TMEM132B: variants seen among roughly 807,000 people sequenced by gnomAD.
TMEM132B encodes the protein transmembrane protein 132B.
Under a neutral mutation model 90.8 loss-of-function variants are expected in TMEM132B, and 18 were observed. The ratio of observed to expected loss-of-function variants is 0.20; its 90% CI spans 0.14 to 0.29. The LOEUF is 0.29. Ranked by LOEUF, TMEM132B falls within the 10% of genes least tolerant of loss-of-function variation. The probability of loss-of-function intolerance (pLI) is 1.00; values close to 1 mark genes in which losing one functional copy is unlikely to be tolerated. For synonymous variants in TMEM132B, 504 were observed against 523.3 expected, an observed-to-expected ratio of 0.96 and a Z score of 0.50; for missense variants, 1,096 against 1,326.8, an observed-to-expected ratio of 0.83 and a Z score of 2.70.
intron 6 of TMEM132B, among the ~76,000 whole-genome samples, chr12:125,644,511 T>C (rs1886711892): frequency 1.3e-5 from 2 of 152,202 alleles, no homozygotes; most frequent in Admixed American, 6.5e-5. Flanking sequence ...CCTCATAGAA[T>C]AGTTGCTAGG....
At chr12:125,240,616 G>T (rs187608127) in intron 1 of TMEM132B, among the ~76,000 whole-genome samples, 1 of 152,206 alleles carries the variant, frequency 6.6e-6, no homozygotes, top group Non-Finnish European at 1.5e-5. Context: ...TTTTTAAAAA[G>T]GACATGCACC....
intron 3 of TMEM132B, among the ~76,000 whole-genome samples, chr12:125,432,780 G>A (rs1880580724): frequency 6.6e-6 from 1 of 152,048 alleles, no homozygotes; most frequent in African/African-American, 2.4e-5. Flanking sequence ...GGCCGGCCTT[G>A]GTGGAATCGG....
At chr12:125,314,405 C>G (rs955491651) in intron 1 of TMEM132B, among the ~76,000 whole-genome samples, 1 of 152,204 alleles carries the variant, frequency 6.6e-6, no homozygotes, top group African/African-American at 2.4e-5. Flanking sequence ...TGCTCAGAAG[C>G]CTGGTTTGCA....
chr12:125,221,981 A>C (rs942052495), intron 1 of TMEM132B, among the ~76,000 whole-genome samples: 1 of 152,230 alleles, frequency 6.6e-6, no homozygotes, highest in Non-Finnish European at 1.5e-5. Flanking sequence ...CCAGGACTGC[A>C]GTTCAGAAAT....
At chr12:125,248,250 G>GGA (rs1194832452) in intron 1 of TMEM132B, among the ~76,000 whole-genome samples, 2 of 152,180 alleles carry the variant, frequency 1.3e-5, no homozygotes, top group African/African-American at 4.8e-5. Context: ...GGAGCTAGCA[G>GGA]GAGATATAGT....
chr12:125,250,526 C>T (rs947520553), intron 1 of TMEM132B, among the ~76,000 whole-genome samples: 1 of 152,202 alleles, frequency 6.6e-6, no homozygotes, highest in Non-Finnish European at 1.5e-5. Context: ...CAGGATCCTG[C>T]GCAGTCTCCA....
intron 5 of TMEM132B, among the ~76,000 whole-genome samples, chr12:125,611,973 G>T (rs1885839464): frequency 1.3e-5 from 2 of 151,972 alleles, no homozygotes; most frequent in African/African-American, 4.8e-5. Context: ...CTTCTTTCTA[G>T]TTGTCCTACT....
At chr12:125,448,093 A>G (rs1023327758) in intron 3 of TMEM132B, among the ~76,000 whole-genome samples, 1 of 152,104 alleles carries the variant, frequency 6.6e-6, no homozygotes, top group Non-Finnish European at 1.5e-5. Flanking sequence ...GTGAAACCCC[A>G]TCTCTACTAA....
intron 4 of TMEM132B, among the ~76,000 whole-genome samples, chr12:125,569,792 A>T (rs2136824859): frequency 6.6e-6 from 1 of 152,294 alleles, no homozygotes; most frequent in Middle Eastern, 3.4e-3. Context: ...CTCTCCTGGC[A>T]GAAAATGGCC....
chr12:125,515,369 C>T (rs982366830), intron 3 of TMEM132B, among the ~76,000 whole-genome samples: 1 of 144,980 alleles, frequency 6.9e-6, no homozygotes, highest in Non-Finnish European at 1.5e-5. Context: ...TTGACACATT[C>T]ACTCACACCT....
chr12:125,265,980 G>A (rs931582384), intron 1 of TMEM132B, among the ~76,000 whole-genome samples: 1 of 152,080 alleles, frequency 6.6e-6, no homozygotes, highest in Non-Finnish European at 1.5e-5. Flanking sequence ...TGTAATCCCA[G>A]CACTTTGGGT....
intron 1 of TMEM132B, among the ~76,000 whole-genome samples, chr12:125,328,532 T>C (rs1231329300): frequency 6.6e-6 from 1 of 152,200 alleles, no homozygotes; most frequent in Non-Finnish European, 1.5e-5. Context: ...GGATCCTTCC[T>C]GCCTCTTCAG....
intron 4 of TMEM132B, among the ~76,000 whole-genome samples, chr12:125,525,902 G>T (rs61055722): frequency 0.068 from 10,279 of 152,278 alleles, 497 homozygotes; most frequent in East Asian, 0.27. Flanking sequence ...CCCTTCCCTT[G>T]TGATTATTGC....
At chr12:125,333,992 C>T (rs12315814) in intron 1 of TMEM132B, among the ~76,000 whole-genome samples, 2,934 of 152,050 alleles carry the variant, frequency 0.019, 195 homozygotes, top group Admixed American at 0.14. Flanking sequence ...AAAATTCAGC[C>T]CCTTCTTCCA....
intron 1 of TMEM132B, among the ~76,000 whole-genome samples, chr12:125,299,687 C>G (rs1204296536): frequency 1.3e-5 from 2 of 152,228 alleles, no homozygotes; most frequent in African/African-American, 4.8e-5. Flanking sequence ...TTTCCAGACG[C>G]ATGTCACCAC....
chr12:125,226,574 C>A (rs139640809), intron 1 of TMEM132B, among the ~76,000 whole-genome samples: 1 of 152,174 alleles, frequency 6.6e-6, no homozygotes, highest in Non-Finnish European at 1.5e-5. Flanking sequence ...ACAGGGGAAT[C>A]GGGAGAGTCC....
chr12:125,262,393 A>T (rs938137902), intron 1 of TMEM132B, among the ~76,000 whole-genome samples: 1 of 152,160 alleles, frequency 6.6e-6, no homozygotes, highest in African/African-American at 2.4e-5. Flanking sequence ...AGGGGCCAAC[A>T]TAAAAAAAAA....
At chr12:125,448,558 G>A (rs1371659641) in intron 3 of TMEM132B, among the ~76,000 whole-genome samples, 2 of 152,134 alleles carry the variant, frequency 1.3e-5, no homozygotes, top group Non-Finnish European at 2.9e-5. Context: ...CATCCCAGTA[G>A]TATTCCATTG....
At chr12:125,569,786 C>T (rs1364340966) in intron 4 of TMEM132B, among the ~76,000 whole-genome samples, 2 of 152,154 alleles carry the variant, frequency 1.3e-5, no homozygotes, top group Admixed American at 6.5e-5. Flanking sequence ...TTGCCACTCT[C>T]CTGGCAGAAA....
Sources: gnomAD v4.1 joint callset for allele counts (sites outside exome capture counted in the v4.1 genomes callset) on GRCh38, gnomAD v4.1.1 for gene constraint, MANE v1.5 for transcripts, NCBI Gene and HGNC (gene_info 2026-07-23, HGNC 2026-07-21) for gene names.